The following PDZD8 variants were observed in gnomAD, a reference collection of about 807,000 sequenced individuals.
PDZD8 encodes PDZ domain-containing protein 8.
A neutral mutation model predicts 85.8 loss-of-function variants in PDZD8; 14 were observed. The ratio of observed to expected loss-of-function variants is 0.16; its 90% confidence interval spans 0.11 to 0.26. The LOEUF (loss-of-function observed/expected upper bound fraction) is 0.26. PDZD8 is among the 10% of genes least tolerant of loss of function. The probability of loss-of-function intolerance (pLI) is 1.00; values close to 1 mark genes in which losing one functional copy is unlikely to be tolerated. For missense variants in PDZD8, 1,197 were observed against 1,424.3 expected, an observed-to-expected ratio of 0.84 and a Z score of 2.57; for synonymous variants, 592 against 568.6, an observed-to-expected ratio of 1.04 and a Z score of -0.59.
chr10:117,373,468 T>C (rs1328180104), intron 1 of PDZD8, among the ~76,000 whole-genome samples: 1 of 151,860 alleles, frequency 6.6e-6, no homozygotes, highest in Non-Finnish European at 1.5e-5. Context: ...CTGTGGAAAG[T>C]ATTCCCGGGC....
intron 2 of PDZD8, among the ~76,000 whole-genome samples, chr10:117,328,578 A>AT (rs907067968): frequency 6.7e-5 from 10 of 149,768 alleles, no homozygotes; most frequent in Non-Finnish European, 1.2e-4. Flanking sequence ...TGCCCAGCTA[A>AT]TTTTTTTTTT....
In PDZD8 at chr10:117,374,217, T is replaced by G; in HGVS notation, c.872+139A>C. ...CAAGTGTTCACGACTCGCCTTGATC[T>G]GGGGCCCTGTCCAGGGTGGGAAGGC... On this transcript the variant is annotated intron_variant, in intron 1 of 4. Transcript: ENST00000334464. This position sits in a 1 kb window ranked among gnomAD's most constrained non-coding sequence, Gnocchi z 7.8. 1 of 1,333,416 alleles carries G rather than the reference T, an allele frequency of 7.5e-7. No homozygotes were observed. Among genetic ancestry groups the G allele is most frequent in the Non-Finnish European group, 1.0e-6 (1 of 990,168 alleles). 82.6% of individuals were successfully genotyped at this position (1,333,416 alleles called of 1,614,324 possible). A position where few individuals can be genotyped will look rare whatever the true frequency, so the allele number is the denominator to read the frequency against.
At chr10:117,357,825 C>G (rs536173696) in intron 1 of PDZD8, among the ~76,000 whole-genome samples, 10 of 113,846 alleles carry the variant, frequency 8.8e-5, no homozygotes, top group Non-Finnish European at 1.6e-4. Context: ...AAAAAAAGGC[C>G]TACACGATCA....
chr10:117,306,404 T>C (rs184249018), intron 3 of PDZD8, among the ~76,000 whole-genome samples: 7 of 152,334 alleles, frequency 4.6e-5, no homozygotes, highest in Admixed American at 4.6e-4. Context: ...ATGATTGATG[T>C]TGGAAATAAA....
At chr10:117,293,286 A>G (rs1301614011) in intron 3 of PDZD8, among the ~76,000 whole-genome samples, 1 of 152,078 alleles carries the variant, frequency 6.6e-6, no homozygotes, top group Non-Finnish European at 1.5e-5. Context: ...TATATCTTAA[A>G]ATTATTTATG....
chr10:117,346,539 G>A (rs989204020), intron 1 of PDZD8, among the ~76,000 whole-genome samples: 3 of 151,712 alleles, frequency 2.0e-5, no homozygotes, highest in African/African-American at 7.3e-5. Context: ...AAGAAAGGGT[G>A]AAAGTTCTCG....
At chr10:117,344,664 G>A (rs1844673944) in intron 1 of PDZD8, among the ~76,000 whole-genome samples, 1 of 152,182 alleles carries the variant, frequency 6.6e-6, no homozygotes, top group Non-Finnish European at 1.5e-5. Flanking sequence ...TGGGATTACA[G>A]GCGTGAGCCA....
chr10:117,330,756 T>C (rs1438223418), intron 2 of PDZD8, among the ~76,000 whole-genome samples: 9 of 152,238 alleles, frequency 5.9e-5, no homozygotes, highest in Admixed American at 5.9e-4. Flanking sequence ...CACATTTTTC[T>C]TAATATCACC....
At chr10:117,294,319 C>A (rs1339768637) in intron 3 of PDZD8, among the ~76,000 whole-genome samples, 5 of 32,914 alleles carry the variant, frequency 1.5e-4, no homozygotes, top group African/African-American at 5.0e-4. Context: ...TGGCTATTAC[C>A]AAAAAGACAA....
At chr10:117,358,287 G>A in intron 1 of PDZD8, among the ~76,000 whole-genome samples, 1 of 151,790 alleles carries the variant, frequency 6.6e-6, no homozygotes, top group East Asian at 1.9e-4. Flanking sequence ...TTTACTGTGG[G>A]GATTCAATGG....
At chr10:117,313,486 GA>G (rs1382802747) in intron 3 of PDZD8, among the ~76,000 whole-genome samples, 1 of 152,060 alleles carries the variant, frequency 6.6e-6, no homozygotes, top group African/African-American at 2.4e-5. Flanking sequence ...AATCATTTAT[GA>G]AAAATGATCA....
At chr10:117,307,242 C>T (rs1467568114) in intron 3 of PDZD8, among the ~76,000 whole-genome samples, 1 of 111,436 alleles carries the variant, frequency 9.0e-6, no homozygotes, top group East Asian at 2.9e-4. Flanking sequence ...TTATAGGTTT[C>T]TAATTTTTTT....
intron 2 of PDZD8, among the ~76,000 whole-genome samples, chr10:117,322,802 G>C (rs1247070428): frequency 6.6e-6 from 1 of 152,154 alleles, no homozygotes; most frequent in East Asian, 1.9e-4. Flanking sequence ...ACTACCATGA[G>C]AAGATAAGCC....
chr10:117,370,659 T>C (rs1179079793), intron 1 of PDZD8, among the ~76,000 whole-genome samples: 1 of 152,082 alleles, frequency 6.6e-6, no homozygotes, highest in Non-Finnish European at 1.5e-5. Flanking sequence ...CTGGCCAACA[T>C]GGTGAAACCT....
chr10:117,315,393 G>A (rs1844106196), intron 3 of PDZD8, among the ~76,000 whole-genome samples: 2 of 151,828 alleles, frequency 1.3e-5, no homozygotes, highest in South Asian at 2.1e-4. Context: ...CCAGGAGTTC[G>A]AGACCAGCCT....
intron 2 of PDZD8, among the ~76,000 whole-genome samples, chr10:117,329,670 G>C (rs1844381537): frequency 6.6e-6 from 1 of 151,942 alleles, no homozygotes; most frequent in South Asian, 2.1e-4. Flanking sequence ...AAATGATGGG[G>C]CATGGTGGCT....
At chr10:117,343,709 G>C (rs537279470) in intron 1 of PDZD8, among the ~76,000 whole-genome samples, 1 of 152,280 alleles carries the variant, frequency 6.6e-6, no homozygotes, top group African/African-American at 2.4e-5. Context: ...GTCTAATTTG[G>C]ATTTACTAAT....
chr10:117,333,359 T>C (rs1844462946), intron 2 of PDZD8, among the ~76,000 whole-genome samples: 1 of 152,136 alleles, frequency 6.6e-6, no homozygotes. Context: ...TAAGTACAAC[T>C]AATAATACAA....
chr10:117,369,481 A>G (rs1245666591), intron 1 of PDZD8, among the ~76,000 whole-genome samples: 1 of 152,134 alleles, frequency 6.6e-6, no homozygotes, highest in Admixed American at 6.5e-5. Flanking sequence ...TAAAAAATAA[A>G]ATTGCTCTAT....
Sources: gnomAD v4.1 joint callset for allele counts (sites outside exome capture counted in the v4.1 genomes callset) on GRCh38, gnomAD v4.1.1 for gene constraint, Gnocchi (gnomAD v3.1) non-coding constraint, MANE v1.5 for transcripts, NCBI Gene and HGNC (gene_info 2026-07-23, HGNC 2026-07-21) for gene names.